Variants in TNFRSF1B observed in about 807,000 individuals in gnomAD.
The protein encoded by TNFRSF1B is TNF receptor superfamily member 1B, also known as tumor necrosis factor receptor superfamily member 1B.
In TNFRSF1B, 19 loss-of-function variants were observed where a neutral mutation model predicts 44.6. That is an observed-to-expected ratio of 0.43 (90% confidence interval 0.30 to 0.62). The LOEUF is 0.62. Among genes scored for constraint, TNFRSF1B ranks in the 20% least tolerant of loss-of-function variants. The probability of loss-of-function intolerance (pLI) is 0.16; values close to 1 mark genes in which losing one functional copy is unlikely to be tolerated. For missense variants in TNFRSF1B, 541 were observed against 619.9 expected (o/e 0.87, Z 1.35); for synonymous variants, 252 against 261.1 (o/e 0.97, Z 0.34).
chr1:12,194,016 C>A lies in TNFRSF1B; in HGVS notation c.849C>A (p.Ile283=), dbSNP rs1639211378. The A allele has an allele frequency of 1.2e-6, 2 of 1,613,806 alleles. No homozygotes were observed. Among genetic ancestry groups the A allele is most frequent in the African/African-American group, 2.7e-5 (2 of 74,896 alleles). Residue 283 remains isoleucine (I), a synonymous_variant, in exon 7 of 10, where the codon ATC becomes ATA. Coordinates refer to ENST00000376259, the MANE Select transcript of TNFRSF1B (RefSeq NM_001066.3). Reference sequence around the variant, plus strand: ...TAATAGGAGTGGTGAACTGTGTCATCATGACCCAGGTGAAAAGTAAGAGTC... The same window carrying A: ...TAATAGGAGTGGTGAACTGTGTCATAATGACCCAGGTGAAAAGTAAGAGTC... ...LLIIGVVNCV[I]MTQVKKKPLC...
At chr1:12,194,140 ATATGGGGG>A in intron 7 of TNFRSF1B, 108 bp downstream of exon 7, 1 of 879,656 alleles carries the variant, frequency 1.1e-6, no homozygotes, top group Non-Finnish European at 1.9e-6. Context: ...ACAGAGCTGG[ATATGGGGG>A]TCCTTGTTCT....
In TNFRSF1B at chr1:12,207,246, C is replaced by T. The variant is rs1365629630; in HGVS notation, c.*226C>T. On this transcript the variant is annotated 3_prime_UTR_variant, in exon 10 of 10. Coordinates refer to ENST00000376259, the MANE Select transcript of TNFRSF1B (RefSeq NM_001066.3). ...CTCTGCTGCCATGGCGTGTCCCTCT[C>T]GGAAGGCTGGCTGGGCATGGACGTT... The T allele has an allele frequency of 2.3e-5, 10 of 437,742 alleles. No individual in the cohort carries two copies. Among genetic ancestry groups the T allele is most frequent in the South Asian group, 7.8e-5 (1 of 12,796 alleles). The allele number at this position is 437,742 out of a possible 1,614,324, so 27.1% of individuals were successfully genotyped here.
In TNFRSF1B at chr1:12,187,952, C is replaced by T. The variant is rs570344120; in HGVS notation, c.79-844C>T. Reference sequence around the variant, plus strand: ...CCAACACCCACAGCAGCTGGGGGAGCGGTGCCCTGCTGGCAGCAGGGGTCT... The same window carrying T: ...CCAACACCCACAGCAGCTGGGGGAGTGGTGCCCTGCTGGCAGCAGGGGTCT... On this transcript the variant is annotated intron_variant, in intron 1 of 9. Transcript: ENST00000376259. This position sits in a 1 kb window ranked among gnomAD's most constrained non-coding sequence, Gnocchi z 5.5. 2.6e-5 allele frequency among the ~76,000 whole-genome samples: 4 copies of T among 152,250 alleles called. No homozygotes were observed. The highest frequency in any genetic ancestry group is 2.1e-4 in the South Asian group (1 of 4,826).
chr1:12,200,335 C>G (rs578028605), intron 8 of TNFRSF1B, among the ~76,000 whole-genome samples: 1 of 152,072 alleles, frequency 6.6e-6, no homozygotes, highest in South Asian at 2.1e-4. Flanking sequence ...GACTCTGGAA[C>G]AAGAGGCTGA....
chr1:12,199,219 G>A lies in TNFRSF1B; in HGVS notation c.901-2748G>A, dbSNP rs1639335911. Among the ~76,000 whole-genome samples, 5 of 152,314 alleles carry A rather than the reference G, an allele frequency of 3.3e-5. No homozygotes were observed. The South Asian group carries it at 6.2e-4, about 19-fold the overall frequency. ...ACAGGCCAGAAAAACCCCTTTTGTG[G>A]GGTTGTGAGGAGTGACAATTGGCTG... On this transcript the variant is annotated intron_variant, in intron 8 of 9. Transcript: ENST00000376259. This position sits in a 1 kb window ranked among gnomAD's most constrained non-coding sequence, Gnocchi z 4.0.
Position 12,168,798 on chromosome 1 carries a change from C to A in TNFRSF1B, c.78+1629C>A, listed in dbSNP as rs1417588238. ...CGCAGCCTTGTAGCTGGTCTCCCGG[C>A]CCTGCCCCCTCTCCCGCTGATCCTT... On this transcript the variant is annotated intron_variant, in intron 1 of 9. Coordinates refer to ENST00000376259, the MANE Select transcript of TNFRSF1B (RefSeq NM_001066.3). The surrounding 1 kb of genome is among the most constrained non-coding windows in gnomAD (Gnocchi z 4.7). Among the ~76,000 whole-genome samples, 2 of 152,156 alleles carry A rather than the reference C, an allele frequency of 1.3e-5. No homozygotes were observed. Among genetic ancestry groups the A allele is most frequent in the African/African-American group, 4.8e-5 (2 of 41,428 alleles).
At chr1:12,183,980 C>T (rs186966729) in intron 1 of TNFRSF1B, among the ~76,000 whole-genome samples, 6 of 152,272 alleles carry the variant, frequency 3.9e-5, no homozygotes, top group Admixed American at 3.3e-4. Context: ...TCACTTGAGG[C>T]CCCCATATTT....
chr1:12,200,991 G>T (rs1297187392), intron 8 of TNFRSF1B, among the ~76,000 whole-genome samples: 1 of 151,972 alleles, frequency 6.6e-6, no homozygotes, highest in Non-Finnish European at 1.5e-5. Context: ...GGTGGTGCAC[G>T]CCTGGTATCC....
At chr1:12,189,243 G>C (rs1281724728) in intron 2 of TNFRSF1B, among the ~76,000 whole-genome samples, 2 of 152,182 alleles carry the variant, frequency 1.3e-5, no homozygotes, top group Non-Finnish European at 2.9e-5. Flanking sequence ...GGAGGAGGCA[G>C]CACTCAGCTT....
chr1:12,191,918 G>A lies in TNFRSF1B; in HGVS notation c.452G>A (p.Arg151Lys), dbSNP rs1174124093. 6.2e-7 allele frequency: 1 copy of A among 1,608,398 alleles called. No homozygotes were observed. The highest frequency in any genetic ancestry group is 8.5e-7 in the Non-Finnish European group (1 of 1,178,130). Residue 151 changes from arginine to lysine, a missense_variant, in exon 4 of 10, where the codon AGA (arginine) becomes AAA (lysine). Transcript: ENST00000376259. The stretch of plus-strand genomic sequence containing the variant: ...TGCCGCCCGGGCTTCGGCGTGGCCA[G>A]ACCAGGTACGGGGTGGGGCTCAGGT... Reference protein sequence around the residue: ...RKCRPGFGVARPGTETSDVVC... With the variant: ...RKCRPGFGVAKPGTETSDVVC...
chr1:12,180,191 A>T lies in TNFRSF1B; in HGVS notation c.79-8605A>T, dbSNP rs1638760398. Among the ~76,000 whole-genome samples the T allele has an allele frequency of 2.6e-5, 4 of 152,176 alleles. No homozygotes were observed. In the South Asian group the frequency reaches 8.3e-4, roughly 31 times the overall value. On this transcript the variant is annotated intron_variant, in intron 1 of 9. Transcript: ENST00000376259. This position sits in a 1 kb window ranked among gnomAD's most constrained non-coding sequence, Gnocchi z 4.3. ...ACGCCTGTAATCCCAGCACTTTGGG[A>T]GGCTGAGGGAGGAGGATCGCTTAAG...
chr1:12,167,594 C>G (rs1055881448), intron 1 of TNFRSF1B: 1 of 277,746 alleles, frequency 3.6e-6, no homozygotes, highest in African/African-American at 2.3e-5. Context: ...GGCGCTGCCC[C>G]ACTGCCCACG....
chr1:12,181,511 G>A (rs1196090080), intron 1 of TNFRSF1B, among the ~76,000 whole-genome samples: 1 of 152,108 alleles, frequency 6.6e-6, no homozygotes, highest in Non-Finnish European at 1.5e-5. Flanking sequence ...GAAAGTCCAT[G>A]ACACCCCCAA....
Position 12,180,995 on chromosome 1 carries a change from C to T in TNFRSF1B, c.79-7801C>T, listed in dbSNP as rs1296598510. 2.6e-5 allele frequency among the ~76,000 whole-genome samples: 4 copies of T among 152,160 alleles called. No homozygotes were observed. Among genetic ancestry groups the T allele is most frequent in the African/African-American group, 9.7e-5 (4 of 41,434 alleles). On this transcript the variant is annotated intron_variant, in intron 1 of 9. Transcript: ENST00000376259. The surrounding 1 kb of genome is among the most constrained non-coding windows in gnomAD (Gnocchi z 4.3). ...AAGGAGGACCACATCTGGCCTGTTG[C>T]ACTCTTCTCCTTTGCCCCACCGAAG...
Position 12,206,773 on chromosome 1 carries a change from A to G in TNFRSF1B, c.1139A>G (p.Asn380Ser), listed in dbSNP as rs1639512008. 7 of 1,607,280 alleles carry G rather than the reference A, an allele frequency of 4.4e-6. No individual in the cohort carries two copies. The highest frequency in any genetic ancestry group is 1.3e-5 in the African/African-American group (1 of 74,868). The change falls in exon 10 of 10, where the codon AAT (asparagine) becomes AGT (serine). Residue 380 changes from asparagine (N) to serine (S), a missense_variant. Physicochemically the swap from Asn to Ser is conservative, Grantham distance 46. Coordinates refer to ENST00000376259, the MANE Select transcript of TNFRSF1B (RefSeq NM_001066.3). The stretch of plus-strand genomic sequence containing the variant: ...CCTGGTGGCCATGGGACCCAGGTCA[A>G]TGTCACCTGCATCGTGAACGTCTGT... ...SSPGGHGTQV[N>S]VTCIVNVCSS...
intron 9 of TNFRSF1B, among the ~76,000 whole-genome samples, chr1:12,204,973 G>A (rs1259510035): frequency 6.6e-6 from 1 of 151,770 alleles, no homozygotes; most frequent in Non-Finnish European, 1.5e-5. Context: ...CCAGGAGTTC[G>A]AGACTAGCCT....
intron 1 of TNFRSF1B, among the ~76,000 whole-genome samples, chr1:12,170,681 G>A (rs1043765460): frequency 1.3e-5 from 2 of 152,138 alleles, no homozygotes; most frequent in Admixed American, 1.3e-4. Flanking sequence ...CTTTTTTTCT[G>A]AGATGGAGTC....
intron 9 of TNFRSF1B, among the ~76,000 whole-genome samples, chr1:12,205,131 G>C (rs1042297700): frequency 1.3e-5 from 2 of 152,204 alleles, no homozygotes; most frequent in African/African-American, 4.8e-5. Context: ...CCAGAGAGTG[G>C]TGGATAGGAT....
intron 3 of TNFRSF1B, 93 bp from the exon 4 acceptor site, chr1:12,191,681 G>T: frequency 6.5e-7 from 1 of 1,542,232 alleles, no homozygotes; most frequent in Non-Finnish European, 8.9e-7. Context: ...GCCTCCTGGA[G>T]ATCCGCTGTC....
Sources: gnomAD v4.1 joint callset for allele counts (sites outside exome capture counted in the v4.1 genomes callset) on GRCh38, gnomAD v4.1.1 for gene constraint, Gnocchi (gnomAD v3.1) non-coding constraint, MANE v1.5 for transcripts, NCBI Gene and HGNC (gene_info 2026-07-23, HGNC 2026-07-21) for gene names.